MEF2C: variants seen among roughly 807,000 people sequenced by gnomAD.
The protein encoded by MEF2C is myocyte enhancer factor 2C, also known as myocyte-specific enhancer factor 2C.
MEF2C carries 6 observed loss-of-function variants against 50.5 expected under a neutral mutation model. That is an observed-to-expected ratio of 0.12 (90% confidence interval 0.07 to 0.23). MEF2C has a LOEUF of 0.23. MEF2C is among the 10% of genes least tolerant of loss of function. The probability of loss-of-function intolerance (pLI) is 1.00; values close to 1 mark genes in which losing one functional copy is unlikely to be tolerated. For missense variants in MEF2C, 276 were observed against 605.0 expected (o/e 0.46, Z 5.70); for synonymous variants, 183 against 228.0 (o/e 0.80, Z 1.78).
intron 3 of MEF2C, among the ~76,000 whole-genome samples, chr5:88,798,231 T>G (rs1207722784): frequency 1.3e-5 from 2 of 152,174 alleles, no homozygotes; most frequent in African/African-American, 2.4e-5. Context: ...TCCTGAAGTG[T>G]TTTCCAACTT....
At chr5:88,869,745 T>C (rs928764520) in intron 1 of MEF2C, among the ~76,000 whole-genome samples, 4 of 150,474 alleles carry the variant, frequency 2.7e-5, no homozygotes, top group Non-Finnish European at 5.9e-5. Flanking sequence ...GAACAGTCAA[T>C]AGAAATAGAG....
intron 5 of MEF2C, among the ~76,000 whole-genome samples, chr5:88,750,567 G>A (rs1049857205): frequency 3.9e-5 from 6 of 151,942 alleles, no homozygotes; most frequent in Non-Finnish European, 5.9e-5. Flanking sequence ...TGGAAATACC[G>A]TATCAAATTC....
chr5:88,817,814 C>T (rs1236718263), intron 2 of MEF2C: 2 of 151,950 alleles, frequency 1.3e-5, no homozygotes, highest in African/African-American at 2.4e-5. Flanking sequence ...CCTCTCCTAT[C>T]CTTTCAAAGT....
At chr5:88,804,879 C>G in intron 2 of MEF2C, 78 bp from the exon 3 acceptor site, 1 of 1,219,626 alleles carries the variant, frequency 8.2e-7, no homozygotes, top group Non-Finnish European at 1.2e-6. Flanking sequence ...TTTTTCTTTT[C>G]CTTCACAAAA....
chr5:88,760,896 C>A (rs1205116672), intron 4 of MEF2C: 5 of 1,394,388 alleles, frequency 3.6e-6, no homozygotes, highest in African/African-American at 2.9e-5. Flanking sequence ...TTTGACTTTC[C>A]GAAGAGTCTT....
intron 3 of MEF2C, among the ~76,000 whole-genome samples, chr5:88,764,886 GC>G (rs1421834072): frequency 1.3e-5 from 2 of 150,652 alleles, no homozygotes; most frequent in Admixed American, 1.3e-4. Context: ...TGAAAATAGA[GC>G]TAAAATATTG....
intron 3 of MEF2C, among the ~76,000 whole-genome samples, chr5:88,784,481 A>G (rs1212080946): frequency 6.6e-6 from 1 of 152,210 alleles, no homozygotes; most frequent in Non-Finnish European, 1.5e-5. Flanking sequence ...ATGTTTATAA[A>G]TGTTACAGAA....
At chr5:88,894,320 A>T (rs1156991454) in intron 1 of MEF2C, among the ~76,000 whole-genome samples, 2 of 152,332 alleles carry the variant, frequency 1.3e-5, no homozygotes, top group Non-Finnish European at 2.9e-5. Flanking sequence ...ATGATGCTAT[A>T]CTGCTTCCTT....
intron 4 of MEF2C, among the ~76,000 whole-genome samples, chr5:88,759,944 A>G (rs664366): frequency 0.6 from 90,863 of 152,172 alleles, 29,104 homozygotes; most frequent in Non-Finnish European, 0.72. Flanking sequence ...TTGGCCTCGA[A>G]CTTTGTCCCC....
intron 1 of MEF2C, among the ~76,000 whole-genome samples, chr5:88,868,721 C>T (rs1247824082): frequency 6.6e-6 from 1 of 152,096 alleles, no homozygotes; most frequent in Non-Finnish European, 1.5e-5. Context: ...GATTCTTGGC[C>T]TTTTATGCCA....
At chr5:88,736,811 CA>C in intron 6 of MEF2C, 1 of 985,352 alleles carries the variant, frequency 1.0e-6, no homozygotes, top group Non-Finnish European at 1.2e-6. Flanking sequence ...ACCTAATTTC[CA>C]ATGGTCACAG....
intron 10 of MEF2C, 45 bp downstream of exon 10, chr5:88,728,448 C>G: frequency 7.6e-7 from 1 of 1,312,128 alleles, no homozygotes; most frequent in Non-Finnish European, 9.9e-7. Context: ...ATTTGTTTTT[C>G]AAAATACATT....
At chr5:88,770,226 T>G (rs1781777594) in intron 3 of MEF2C, among the ~76,000 whole-genome samples, 1 of 152,192 alleles carries the variant, frequency 6.6e-6, no homozygotes, top group Non-Finnish European at 1.5e-5. Context: ...ATGGGTTGGT[T>G]ACAGGGACAA....
intron 2 of MEF2C, among the ~76,000 whole-genome samples, chr5:88,814,511 C>G (rs1224500445): frequency 6.6e-6 from 1 of 151,954 alleles, no homozygotes; most frequent in African/African-American, 2.4e-5. Flanking sequence ...TCCTCGTTAG[C>G]CTCAAGCAAA....
intron 6 of MEF2C, chr5:88,741,693 C>A: frequency 2.0e-6 from 2 of 980,770 alleles, no homozygotes; most frequent in Non-Finnish European, 2.4e-6. Flanking sequence ...GGGCTTTTTC[C>A]TCCTTATACT....
At chr5:88,822,267 G>T (rs1373799671) in intron 2 of MEF2C, among the ~76,000 whole-genome samples, 1 of 151,828 alleles carries the variant, frequency 6.6e-6, no homozygotes, top group African/African-American at 2.4e-5. Flanking sequence ...AATAGGTTCT[G>T]GTCCAAATAA....
At position 88,728,497 on chromosome 5, in the gene MEF2C, A is replaced by G. The variant is rs1202776074; in HGVS notation, c.1096T>C (p.Leu366=). The G allele has an allele frequency of 1.3e-6, 2 of 1,491,068 alleles. No individual in the cohort carries two copies. Among genetic ancestry groups the G allele is most frequent in the Non-Finnish European group, 1.8e-6 (2 of 1,117,604 alleles). 92.4% of individuals were successfully genotyped at this position (1,491,068 alleles called of 1,614,324 possible). ...ATAAAAAATAATATTGCTTACCCCA[A>G]CTGACTGAGGGCAGATGGTGGCATG... ...HNMPPSALSQ[L]GACTSTHLSQ... is the part of the protein sequence containing the mutation. Residue 366 remains leucine (L), a synonymous_variant, in exon 10 of 11, where the codon TTG becomes CTG. Coordinates refer to ENST00000504921, the MANE Select transcript of MEF2C (RefSeq NM_002397.5).
intron 3 of MEF2C, among the ~76,000 whole-genome samples, chr5:88,786,710 T>TAC (rs1203490152): frequency 2.0e-5 from 3 of 152,226 alleles, no homozygotes; most frequent in Non-Finnish European, 2.9e-5. Context: ...TGTATATATA[T>TAC]ACATATATGC....
intron 1 of MEF2C, chr5:88,889,214 G>A (rs921179244): frequency 1.3e-5 from 2 of 152,174 alleles, no homozygotes; most frequent in African/African-American, 4.8e-5. Context: ...GTTATTGATT[G>A]CAGGCAGCAA....
Sources: allele counts gnomAD v4.1 joint callset (sites outside exome capture counted in the v4.1 genomes callset), GRCh38; gene constraint gnomAD v4.1.1; transcripts MANE v1.5; gene names NCBI Gene and HGNC (gene_info 2026-07-23, HGNC 2026-07-21).